Variants in KCNQ5 observed in about 807,000 individuals in gnomAD.
KCNQ5 encodes the protein potassium voltage-gated channel subfamily Q member 5, also known as potassium voltage-gated channel subfamily KQT member 5.
Under a neutral mutation model 98.2 loss-of-function variants are expected in KCNQ5, and 30 were observed. The ratio of observed to expected loss-of-function variants is 0.31; its 90% CI spans 0.23 to 0.41. The LOEUF (loss-of-function observed/expected upper bound fraction) is 0.41, where lower values mean the gene tolerates loss of function less well. Among genes scored for constraint, KCNQ5 ranks in the 10% least tolerant of loss-of-function variants. The pLI is 1.00. For missense variants in KCNQ5, 835 were observed against 1,182.5 expected (o/e 0.71, Z 4.31); for synonymous variants, 458 against 449.4 (o/e 1.02, Z -0.24).
At chr6:73,055,933 A>T in intron 3 of KCNQ5, 1 of 444,104 alleles carries the variant, frequency 2.3e-6, no homozygotes, top group Non-Finnish European at 4.3e-6. Flanking sequence ...CACTGACCAC[A>T]TCTATAGACA....
intron 1 of KCNQ5, among the ~76,000 whole-genome samples, chr6:72,802,890 C>T (rs1331586637): frequency 6.6e-6 from 1 of 152,134 alleles, no homozygotes; most frequent in African/African-American, 2.4e-5. Context: ...TAAACATGCA[C>T]CTCTGCATTG....
At chr6:72,924,077 T>C (rs1444067470) in intron 1 of KCNQ5, among the ~76,000 whole-genome samples, 6 of 152,178 alleles carry the variant, frequency 3.9e-5, no homozygotes, top group Admixed American at 3.9e-4. Flanking sequence ...ACTTGGGAGA[T>C]TTTTATAGTA....
chr6:72,665,470 AT>A (rs1394229327), intron 1 of KCNQ5, among the ~76,000 whole-genome samples: 2 of 152,110 alleles, frequency 1.3e-5, no homozygotes, highest in African/African-American at 4.8e-5. Flanking sequence ...TCCACCCAAG[AT>A]TTGCCAAGAA....
chr6:72,875,288 T>C (rs1180809315), intron 1 of KCNQ5, among the ~76,000 whole-genome samples: 9 of 152,190 alleles, frequency 5.9e-5, no homozygotes. Flanking sequence ...ATCAATTTAA[T>C]TGAGCATTTT....
At chr6:72,752,919 C>T (rs1225778488) in intron 1 of KCNQ5, among the ~76,000 whole-genome samples, 1 of 152,078 alleles carries the variant, frequency 6.6e-6, no homozygotes, top group East Asian at 1.9e-4. Flanking sequence ...TCTAGATAGA[C>T]TCTAAAAGAA....
chr6:72,946,131 A>T (rs771853757), intron 1 of KCNQ5, among the ~76,000 whole-genome samples: 2 of 152,202 alleles, frequency 1.3e-5, no homozygotes, highest in African/African-American at 2.4e-5. Context: ...TGTTCAAGAG[A>T]AAACAGTTCC....
chr6:73,126,597 T>C (rs1775996186), intron 9 of KCNQ5, among the ~76,000 whole-genome samples: 1 of 152,212 alleles, frequency 6.6e-6, no homozygotes, highest in African/African-American at 2.4e-5. Context: ...ACTGAGGTTG[T>C]CAAAGATAAC....
intron 1 of KCNQ5, among the ~76,000 whole-genome samples, chr6:72,840,587 C>A (rs760134002): frequency 4.6e-5 from 7 of 152,160 alleles, no homozygotes; most frequent in Non-Finnish European, 8.8e-5. Flanking sequence ...CCTTCAAAAT[C>A]TTCCTACTTT....
At chr6:73,112,779 G>T (rs2150429337) in intron 7 of KCNQ5, among the ~76,000 whole-genome samples, 1 of 152,288 alleles carries the variant, frequency 6.6e-6, no homozygotes, top group East Asian at 1.9e-4. Context: ...TGGAGCTGGG[G>T]AAAGAAGGGG....
chr6:72,741,927 A>G (rs1412323916), intron 1 of KCNQ5, among the ~76,000 whole-genome samples: 1 of 152,230 alleles, frequency 6.6e-6, no homozygotes, highest in Admixed American at 6.5e-5. Flanking sequence ...GAAGGACATA[A>G]TCTTCTGTTT....
At chr6:73,126,569 C>T (rs947160980) in intron 9 of KCNQ5, among the ~76,000 whole-genome samples, 2 of 152,162 alleles carry the variant, frequency 1.3e-5, no homozygotes, top group Middle Eastern at 6.3e-3. Context: ...ACGACATTTA[C>T]CTCTCTGCAT....
At chr6:73,136,971 GC>G (rs916093616) in intron 10 of KCNQ5, among the ~76,000 whole-genome samples, 1 of 151,808 alleles carries the variant, frequency 6.6e-6, no homozygotes, top group African/African-American at 2.4e-5. Context: ...GCATTCCATT[GC>G]CCATTAACAT....
Position 72,915,812 on chromosome 6 carries a change from T to C in KCNQ5, c.399-88096T>C, listed in dbSNP as rs74998912. On this transcript the variant is annotated intron_variant, in intron 1 of 13. Transcript: ENST00000370398. ...GTATGTCTGTTTTCACATCCAGTCT[T>C]GCTTGTATAGTTATTTATGTAAGAT... is the stretch of plus-strand genomic sequence containing the variant. 2.7e-3 allele frequency among the ~76,000 whole-genome samples: 412 copies of C among 152,314 alleles called. 4 individuals carry two copies. Among genetic ancestry groups the C allele is most frequent in the East Asian group, 0.02 (106 of 5,188 alleles).
At position 72,849,123 on chromosome 6, in the gene KCNQ5, C is replaced by G. The variant is rs561891554; in HGVS notation, c.399-154785C>G. Among the ~76,000 whole-genome samples the G allele has an allele frequency of 2.6e-4, 39 of 150,380 alleles. No individual in the cohort carries two copies. In the South Asian group the frequency reaches 7.9e-3, roughly 31 times the overall value. ...AGTAGCGTATGTACACATACACACA[C>G]ACACACACACACACACACACATATG... is the stretch of plus-strand genomic sequence containing the variant. On this transcript the variant is annotated intron_variant, in intron 1 of 13. Transcript: ENST00000370398.
chr6:72,987,545 G>C (rs1052885870), intron 1 of KCNQ5: 1 of 654,738 alleles, frequency 1.5e-6, no homozygotes, highest in African/African-American at 1.8e-5. Context: ...AAGCCCCGCA[G>C]CACGATTGCA....
At chr6:73,110,734 C>A (rs1218729952) in intron 6 of KCNQ5, among the ~76,000 whole-genome samples, 2 of 152,166 alleles carry the variant, frequency 1.3e-5, no homozygotes, top group Non-Finnish European at 2.9e-5. Context: ...ACAGTTATAA[C>A]ATTATAAAGA....
chr6:73,178,946 G>C (rs1286701074), intron 11 of KCNQ5, among the ~76,000 whole-genome samples: 1 of 152,154 alleles, frequency 6.6e-6, no homozygotes, highest in African/African-American at 2.4e-5. Flanking sequence ...AAGCTCTGCA[G>C]CCCTAGTTGT....
At chr6:73,024,787 C>T (rs1770797361) in intron 2 of KCNQ5, among the ~76,000 whole-genome samples, 1 of 152,116 alleles carries the variant, frequency 6.6e-6, no homozygotes, top group African/African-American at 2.4e-5. Context: ...AAAATGTGAC[C>T]AAAGCAAATA....
chr6:73,128,917 G>T (rs1034526121), intron 9 of KCNQ5, among the ~76,000 whole-genome samples: 1 of 152,116 alleles, frequency 6.6e-6, no homozygotes, highest in Admixed American at 6.5e-5. Context: ...TTGGCTTTTG[G>T]GGGAAGGGGG....
Sources: allele counts gnomAD v4.1 joint callset (sites outside exome capture counted in the v4.1 genomes callset), GRCh38; gene constraint gnomAD v4.1.1; transcripts MANE v1.5; gene names NCBI Gene and HGNC (gene_info 2026-07-23, HGNC 2026-07-21).